LEO1: variants seen among roughly 807,000 people sequenced by gnomAD.
LEO1 encodes RNA polymerase-associated protein LEO1.
A neutral mutation model predicts 80.4 loss-of-function variants in LEO1; 34 were observed. That is an observed-to-expected ratio of 0.42 (90% CI 0.32 to 0.56). The LOEUF is 0.56. Among genes scored for constraint, LEO1 ranks in the 20% least tolerant of loss-of-function variants. The probability of loss-of-function intolerance (pLI) is 0.10; values close to 1 mark genes in which losing one functional copy is unlikely to be tolerated. For synonymous variants in LEO1, 262 were observed against 274.9 expected (o/e 0.95, Z 0.46); for missense variants, 631 against 814.2 (o/e 0.77, Z 2.74).
intron 4 of LEO1, 117 bp from the exon 5 acceptor site, chr15:51,960,161 T>TA (rs1476907575): frequency 2.5e-6 from 2 of 793,218 alleles, no homozygotes; most frequent in Admixed American, 6.5e-5. Flanking sequence ...ACTTTAGGAC[T>TA]AAAGAAGTCC....
intron 6 of LEO1, among the ~76,000 whole-genome samples, chr15:51,956,634 G>T (rs2056991836): frequency 6.6e-6 from 1 of 152,036 alleles, no homozygotes; most frequent in African/African-American, 2.4e-5. Flanking sequence ...TGGTTCCCTG[G>T]TTCCTTGTTC....
intron 2 of LEO1, among the ~76,000 whole-genome samples, chr15:51,964,074 C>A (rs1453007419): frequency 1.3e-5 from 2 of 150,888 alleles, no homozygotes; most frequent in African/African-American, 4.9e-5. Flanking sequence ...GGCGTGGTGG[C>A]GGGTGCCTGT....
chr15:51,952,018 A>G, intron 8 of LEO1, 39 bp from the exon 9 acceptor site: 2 of 1,574,202 alleles, frequency 1.3e-6, no homozygotes, highest in South Asian at 2.3e-5. Context: ...ACTGTTTACC[A>G]AATACATTTG....
chr15:51,970,255 T>C (rs2057112185), intron 1 of LEO1, among the ~76,000 whole-genome samples: 1 of 152,128 alleles, frequency 6.6e-6, no homozygotes, highest in Non-Finnish European at 1.5e-5. Flanking sequence ...TCTCCTGGGT[T>C]CAAGTGATTC....
At chr15:51,950,312 AC>A (rs1468461153) in intron 9 of LEO1, among the ~76,000 whole-genome samples, 6 of 152,180 alleles carry the variant, frequency 3.9e-5, no homozygotes, top group African/African-American at 1.4e-4. Flanking sequence ...CGCCTGAGAA[AC>A]CCCATTCATG....
At chr15:51,962,935 CA>C (rs1555393521) in intron 2 of LEO1, among the ~76,000 whole-genome samples, 3 of 150,504 alleles carry the variant, frequency 2.0e-5, no homozygotes, top group African/African-American at 7.3e-5. Flanking sequence ...GCCCCCCCCC[CA>C]AAAAATTAAC....
intron 8 of LEO1, among the ~76,000 whole-genome samples, chr15:51,952,553 T>C (rs563204628): frequency 6.6e-6 from 1 of 152,214 alleles, no homozygotes; most frequent in Admixed American, 6.5e-5. Flanking sequence ...CCAAAGAGGA[T>C]GGTCTGCTTA....
intron 11 of LEO1, among the ~76,000 whole-genome samples, chr15:51,945,621 C>A (rs2056893792): frequency 6.6e-6 from 1 of 152,154 alleles, no homozygotes; most frequent in Non-Finnish European, 1.5e-5. Flanking sequence ...TCACTTTTCA[C>A]CATCTGTTAT....
chr15:51,958,623 A>G (rs201655076), intron 6 of LEO1, 119 bp downstream of exon 6: 2 of 651,396 alleles, frequency 3.1e-6, no homozygotes, highest in Admixed American at 3.1e-5. Flanking sequence ...AATCAAAAGA[A>G]CACAGCCATA....
At chr15:51,961,899 C>G (rs1200267076) in intron 3 of LEO1, among the ~76,000 whole-genome samples, 1 of 151,778 alleles carries the variant, frequency 6.6e-6, no homozygotes, top group South Asian at 2.1e-4. Flanking sequence ...CAGTGATTCA[C>G]GCCTGTAATC....
chr15:51,949,760 A>G, intron 10 of LEO1, 48 bp downstream of exon 10: 2 of 1,504,148 alleles, frequency 1.3e-6, no homozygotes, highest in South Asian at 2.4e-5. Flanking sequence ...GCCAAGATGA[A>G]GTCCAGAATC....
At chr15:51,960,846 A>G in intron 3 of LEO1, 113 bp from the exon 4 acceptor site, 1 of 665,982 alleles carries the variant, frequency 1.5e-6, no homozygotes, top group Non-Finnish European at 2.7e-6. Flanking sequence ...GAAAACCACC[A>G]AAAACATAAT....
At chr15:51,956,110 G>C (rs1273004910) in intron 6 of LEO1, among the ~76,000 whole-genome samples, 1 of 152,042 alleles carries the variant, frequency 6.6e-6, no homozygotes, top group Non-Finnish European at 1.5e-5. Context: ...TCATACAATA[G>C]GTTGGCCACA....
At chr15:51,965,567 A>C (rs2057067861) in intron 2 of LEO1, among the ~76,000 whole-genome samples, 182 bp downstream of exon 2, 1 of 152,154 alleles carries the variant, frequency 6.6e-6, no homozygotes, top group South Asian at 2.1e-4. Flanking sequence ...AGGAGTAAGA[A>C]AGAATAAGTG....
chr15:51,966,536 A>G, intron 1 of LEO1, 32 bp from the exon 2 acceptor site: 1 of 1,320,808 alleles, frequency 7.6e-7, no homozygotes, highest in Middle Eastern at 1.9e-4. Flanking sequence ...GGATAACATA[A>G]GCAAAAAAAG....
chr15:51,952,791 G>C (rs374298969), intron 8 of LEO1, among the ~76,000 whole-genome samples: 2 of 152,060 alleles, frequency 1.3e-5, no homozygotes, highest in African/African-American at 4.8e-5. Flanking sequence ...AGTCTCCCAG[G>C]TCAATTTTAC....
rs35454454 is a variant in LEO1, at chr15:51,962,925, GC to G, written c.815-433del. Among the ~76,000 whole-genome samples, 1,252 of 146,968 alleles carry G rather than the reference GC, an allele frequency of 8.5e-3. 14 individuals carry two copies. Among genetic ancestry groups the G allele is most frequent in the African/African-American group, 0.026 (1,037 of 39,896 alleles). On this transcript the variant is annotated intron_variant, in intron 2 of 11. Coordinates refer to ENST00000299601, the MANE Select transcript of LEO1 (RefSeq NM_138792.4). ...GAATAGAGCTGTACATGCAGAACATGCCCCCCCCCCAAAAAATTAACTCTAG... is the reference window on the plus strand; with the variant it reads ...GAATAGAGCTGTACATGCAGAACATGCCCCCCCCCAAAAAATTAACTCTAG...
At chr15:51,957,248 T>C (rs188229972) in intron 6 of LEO1, among the ~76,000 whole-genome samples, 1 of 152,176 alleles carries the variant, frequency 6.6e-6, no homozygotes, top group Admixed American at 6.5e-5. Flanking sequence ...ATTAAATAAA[T>C]TGATAAAAAG....
intron 11 of LEO1, among the ~76,000 whole-genome samples, chr15:51,946,560 CT>C (rs879299783): frequency 2.2e-3 from 317 of 144,648 alleles, no homozygotes; most frequent in Admixed American, 2.2e-3. Context: ...AAATCATTTT[CT>C]TTTTTTTTTT....
Sources: gnomAD v4.1 joint callset for allele counts (sites outside exome capture counted in the v4.1 genomes callset) on GRCh38, gnomAD v4.1.1 for gene constraint, MANE v1.5 for transcripts, NCBI Gene and HGNC (gene_info 2026-07-23, HGNC 2026-07-21) for gene names.